PCDHGB3: variants seen among roughly 807,000 people sequenced by gnomAD.
The protein encoded by PCDHGB3 is protocadherin gamma-B3.
A neutral mutation model predicts 59.2 loss-of-function variants in PCDHGB3; 40 were observed. That is an observed-to-expected ratio of 0.68 (90% CI 0.52 to 0.88). The LOEUF (loss-of-function observed/expected upper bound fraction) is 0.88, where lower values mean the gene tolerates loss of function less well. Among genes scored for constraint, PCDHGB3 ranks in the 40% least tolerant of loss-of-function variants. PCDHGB3 has a pLI of 0.00. For missense variants in PCDHGB3, 1,309 were observed against 1,187.9 expected (o/e 1.10, Z -1.50); for synonymous variants, 581 against 503.6 (o/e 1.15, Z -2.06).
intron 1 of PCDHGB3, chr5:141,387,672 C>T (rs1222648666): frequency 5.7e-6 from 4 of 707,372 alleles, no homozygotes; most frequent in Non-Finnish European, 9.1e-6. Flanking sequence ...CTCCAGATCT[C>T]CTCGCGCAGC....
At position 141,371,658 on chromosome 5, in the gene PCDHGB3, A is replaced by T. The variant is rs764550191; in HGVS notation, c.1264A>T (p.Ile422Phe). The change falls in exon 1 of 4, where the codon ATC (isoleucine) becomes TTC (phenylalanine). Residue 422 changes from isoleucine (I) to phenylalanine (F), a missense_variant. By Grantham distance (21) the Ile-to-Phe change is conservative (BLOSUM62 0). Coordinates refer to ENST00000576222, the MANE Select transcript of PCDHGB3 (RefSeq NM_018924.5). ...GCAGATCCCAGAATACAATGTGACG[A>T]TCACAGCTACCGACAAAGGCAATCC... ...REQIPEYNVT[I>F]TATDKGNPPL... is the part of the protein sequence containing the mutation. The T allele has an allele frequency of 2.5e-6, 4 of 1,613,920 alleles. No homozygotes were observed.
chr5:141,437,037 A>G (rs1410732155), intron 1 of PCDHGB3, among the ~76,000 whole-genome samples: 2 of 152,264 alleles, frequency 1.3e-5, no homozygotes, highest in Admixed American at 1.3e-4. Flanking sequence ...TGGATCACCG[A>G]AACCAGAAGG....
At chr5:141,464,218 T>C (rs1464478430) in intron 1 of PCDHGB3, among the ~76,000 whole-genome samples, 1 of 150,958 alleles carries the variant, frequency 6.6e-6, no homozygotes, top group Non-Finnish European at 1.5e-5. Flanking sequence ...TGAGCTGAGA[T>C]TGCGCCACTG....
intron 1 of PCDHGB3, chr5:141,405,167 C>T (rs926303279): frequency 7.4e-6 from 12 of 1,614,002 alleles, no homozygotes; most frequent in African/African-American, 1.3e-5. Flanking sequence ...GCCCACCTCA[C>T]ACTTTGTGGG....
At position 141,371,270 on chromosome 5, in the gene PCDHGB3, C is replaced by A; in HGVS notation, c.876C>A (p.Phe292Leu). The change falls in exon 1 of 4, where the codon TTC becomes TTA. Residue 292 changes from phenylalanine to leucine, a missense_variant. Coordinates refer to ENST00000576222, the MANE Select transcript of PCDHGB3 (RefSeq NM_018924.5). ...INIGKEVRQL[F>L]KLDSKTGELT... ...TTGGCAAGGAAGTGAGACAACTGTTCAAGCTGGACAGTAAAACGGGGGAAC... is the reference window on the plus strand; with the variant it reads ...TTGGCAAGGAAGTGAGACAACTGTTAAAGCTGGACAGTAAAACGGGGGAAC... 1 of 1,614,012 alleles carries A rather than the reference C, an allele frequency of 6.2e-7. No homozygotes were observed.
At position 141,491,290 on chromosome 5, in the gene PCDHGB3, C is replaced by T. The variant is rs747758229; in HGVS notation, c.2416-3517C>T. Reference sequence around the variant, plus strand: ...CAAATCCAGTGACTTCCTCATACACCCTCCTGAGCGTTCAGACCTTACCCT... The same window carrying T: ...CAAATCCAGTGACTTCCTCATACACTCTCCTGAGCGTTCAGACCTTACCCT... On this transcript the variant is annotated intron_variant, in intron 1 of 3. Coordinates refer to ENST00000576222, the MANE Select transcript of PCDHGB3 (RefSeq NM_018924.5). The surrounding 1 kb of genome is among the most constrained non-coding windows in gnomAD (Gnocchi z 6.9). 6.2e-7 allele frequency: 1 copy of T among 1,613,974 alleles called. No homozygotes were observed. Among genetic ancestry groups the T allele is most frequent in the Non-Finnish European group, 8.5e-7 (1 of 1,179,952 alleles).
chr5:141,372,682 C>G lies in PCDHGB3; in HGVS notation c.2288C>G (p.Thr763Ser). Residue 763 changes from threonine to serine, a missense_variant, in exon 1 of 4, where the codon ACC becomes AGC. Transcript: ENST00000576222. ...NPCAASHSSNTEFKFLNIKAE... is the reference protein window; with the variant it reads ...NPCAASHSSNSEFKFLNIKAE... The stretch of plus-strand genomic sequence containing the variant: ...TGTGCTGCCTCACATTCCTCAAACA[C>G]CGAGTTTAAATTTCTCAATATAAAG... 6.2e-7 allele frequency: 1 copy of G among 1,614,010 alleles called. No individual in the cohort carries two copies. Among genetic ancestry groups the G allele is most frequent in the Non-Finnish European group, 8.5e-7 (1 of 1,179,884 alleles).
intron 1 of PCDHGB3, chr5:141,422,964 G>A: frequency 1.2e-6 from 2 of 1,614,190 alleles, no homozygotes; most frequent in Non-Finnish European, 1.7e-6. Flanking sequence ...TGGAGCTGGC[G>A]CCCCGCTCTG....
At chr5:141,421,322 T>A (rs774885270) in intron 1 of PCDHGB3, 1 of 1,613,864 alleles carries the variant, frequency 6.2e-7, no homozygotes, top group Non-Finnish European at 8.5e-7. Context: ...GCCAGGCAGA[T>A]CCGATATTCG....
chr5:141,453,021 A>G (rs1008711775), intron 1 of PCDHGB3, among the ~76,000 whole-genome samples: 1 of 152,200 alleles, frequency 6.6e-6, no homozygotes, highest in Non-Finnish European at 1.5e-5. Context: ...TATGTGATTC[A>G]TTAAAATAAA....
intron 1 of PCDHGB3, among the ~76,000 whole-genome samples, chr5:141,445,923 T>C (rs1169404585): frequency 6.6e-6 from 1 of 152,200 alleles, no homozygotes; most frequent in Non-Finnish European, 1.5e-5. Context: ...AGTGACAAGA[T>C]ATTTGAATTA....
At position 141,430,830 on chromosome 5, in the gene PCDHGB3, G is replaced by A. The variant is rs754181300; in HGVS notation, c.2415+58021G>A. The stretch of plus-strand genomic sequence containing the variant: ...CTGGGAATCCTCCTGGGGACTCTGT[G>A]GGAGACCGGATGCACCCAGATACGC... On this transcript the variant is annotated intron_variant, in intron 1 of 3. Coordinates refer to ENST00000576222, the MANE Select transcript of PCDHGB3 (RefSeq NM_018924.5). 8 of 1,554,850 alleles carry A rather than the reference G, an allele frequency of 5.1e-6. No homozygotes were observed. The East Asian group carries it at 1.6e-4, about 31-fold the overall frequency.
Position 141,491,205 on chromosome 5 carries a change from A to G in PCDHGB3, c.2416-3602A>G, listed in dbSNP as rs2233609. 2,395 of 1,613,578 alleles carry G rather than the reference A, an allele frequency of 1.5e-3. 36 individuals are homozygous for G. The African/African-American group carries it at 0.028, about 19-fold the overall frequency. On this transcript the variant is annotated intron_variant, in intron 1 of 3. Coordinates refer to ENST00000576222, the MANE Select transcript of PCDHGB3 (RefSeq NM_018924.5). This position sits in a 1 kb window ranked among gnomAD's most constrained non-coding sequence, Gnocchi z 6.9. The stretch of plus-strand genomic sequence containing the variant: ...TGGTGAGGGACAATGGTGACCCTTC[A>G]CTCTCCTCCACAGCCACAGTGCTGC...
In PCDHGB3 at chr5:141,460,596, C is replaced by A. The variant is rs930441447; in HGVS notation, c.2416-34211C>A. On this transcript the variant is annotated intron_variant, in intron 1 of 3. Transcript: ENST00000576222. ...TGTAGGTGTGGGTTTTTTCTGGGCT[C>A]TCTGTGTTAGATGGATAGATAGACA... Among the ~76,000 whole-genome samples the A allele has an allele frequency of 1.3e-5, 2 of 151,986 alleles. 1 individual carries two copies. The highest frequency in any genetic ancestry group is 4.1e-4 in the South Asian group (2 of 4,824).
In PCDHGB3 at chr5:141,404,317, C is replaced by T. The variant is rs375857083; in HGVS notation, c.2415+31508C>T. On this transcript the variant is annotated intron_variant, in intron 1 of 3. Transcript: ENST00000576222. ...ATAATCCACCTGCTTTCTCTCAAGC[C>T]TCCTACTCAGTCTACCTCCCGGAAA... 6.2e-6 allele frequency: 10 copies of T among 1,613,780 alleles called. No homozygotes were observed. In the African/African-American group the frequency reaches 1.2e-4, roughly 19 times the overall value.
rs558504351 is a variant in PCDHGB3, at chr5:141,374,628, T to A, written c.2415+1819T>A. The A allele has an allele frequency of 2.5e-6, 4 of 1,613,272 alleles. No individual in the cohort carries two copies. The South Asian group carries it at 3.3e-5, about 13-fold the overall frequency. On this transcript the variant is annotated intron_variant, in intron 1 of 3. Coordinates refer to ENST00000576222, the MANE Select transcript of PCDHGB3 (RefSeq NM_018924.5). ...GGTAATAGTCACTTCTCAGTGGACG[T>A]GCAAAGCGAAGCCCATGGGCCCAAG...
intron 1 of PCDHGB3, chr5:141,408,641 T>G: frequency 6.2e-7 from 1 of 1,614,034 alleles, no homozygotes; most frequent in Non-Finnish European, 8.5e-7. Context: ...CGAATCTGCA[T>G]CCGCTGGTAC....
intron 1 of PCDHGB3, chr5:141,385,293 G>A: frequency 6.2e-7 from 1 of 1,613,166 alleles, no homozygotes; most frequent in Non-Finnish European, 8.5e-7. Flanking sequence ...TAGATTTTCA[G>A]GAATGTAAAG....
At chr5:141,488,525 G>A (rs1040463796) in intron 1 of PCDHGB3, among the ~76,000 whole-genome samples, 1 of 152,182 alleles carries the variant, frequency 6.6e-6, no homozygotes, top group African/African-American at 2.4e-5. Flanking sequence ...TGGGGTGTCA[G>A]AAAAGCTAAG....
Sources: allele counts gnomAD v4.1 joint callset (sites outside exome capture counted in the v4.1 genomes callset), GRCh38; gene constraint gnomAD v4.1.1; non-coding constraint Gnocchi (gnomAD v3.1); transcripts MANE v1.5; gene names NCBI Gene and HGNC (gene_info 2026-07-23, HGNC 2026-07-21).